Variants in LARP4B observed in about 807,000 individuals in gnomAD.
LARP4B encodes la-related protein 4B.
In LARP4B, 12 loss-of-function variants were observed where a neutral mutation model predicts 89.8. That is an observed-to-expected ratio of 0.13 (90% CI 0.09 to 0.22). The LOEUF (loss-of-function observed/expected upper bound fraction) is 0.22, where lower values mean the gene tolerates loss of function less well. Ranked by LOEUF, LARP4B falls within the 10% of genes least tolerant of loss-of-function variation. LARP4B has a pLI of 1.00. For synonymous variants in LARP4B, 367 were observed against 363.3 expected (o/e 1.01, Z -0.12); for missense variants, 757 against 947.7 (o/e 0.80, Z 2.64).
At chr10:984,309 T>C in the LARP4B span, among the ~76,000 whole-genome samples, 1 of 152,184 alleles carries the variant, frequency 6.6e-6, no homozygotes, top group Non-Finnish European at 1.5e-5. Context: ...TTAGAATCAT[T>C]TGGAAATTGA....
intron 1 of LARP4B, among the ~76,000 whole-genome samples, chr10:896,979 T>C (rs1397513639): frequency 1.3e-5 from 2 of 149,234 alleles, no homozygotes; most frequent in East Asian, 1.9e-4. Flanking sequence ...AATTCACTTT[T>C]GTGGGAGAAT....
the LARP4B span, among the ~76,000 whole-genome samples, chr10:952,222 C>T: frequency 1.8e-4 from 28 of 151,500 alleles, no homozygotes; most frequent in South Asian, 4.2e-4. Flanking sequence ...CACCTGTAGT[C>T]CCAGCTACTT....
chr10:949,142 C>T, the LARP4B span, among the ~76,000 whole-genome samples: 1 of 150,810 alleles, frequency 6.6e-6, no homozygotes, highest in Non-Finnish European at 1.5e-5. Context: ...TGATCTCCAA[C>T]CCATTTCCCA....
intron 1 of LARP4B, among the ~76,000 whole-genome samples, chr10:911,711 G>A (rs1365806779): frequency 2.0e-5 from 3 of 152,314 alleles, no homozygotes; most frequent in South Asian, 4.2e-4. Context: ...TTTTCAGTAC[G>A]GAGTCTGAAG....
chr10:898,085 G>A (rs368701322), intron 1 of LARP4B, among the ~76,000 whole-genome samples: 4 of 150,884 alleles, frequency 2.7e-5, no homozygotes, highest in South Asian at 2.1e-4. Flanking sequence ...TGAAAAGATC[G>A]TCCACATCAT....
intron 4 of LARP4B, 65 bp downstream of exon 4, chr10:864,058 A>G: frequency 6.2e-7 from 1 of 1,600,812 alleles, no homozygotes; most frequent in Non-Finnish European, 8.5e-7. Flanking sequence ...AAGACAGATT[A>G]AAATGGCAAC....
intron 1 of LARP4B, among the ~76,000 whole-genome samples, chr10:914,419 T>C (rs1041783825): frequency 2.7e-5 from 4 of 148,606 alleles, no homozygotes; most frequent in Non-Finnish European, 6.0e-5. Flanking sequence ...AATGCCAATA[T>C]AAAAAAGAAA....
the LARP4B span, among the ~76,000 whole-genome samples, chr10:975,308 C>G: frequency 6.6e-6 from 1 of 152,190 alleles, no homozygotes; most frequent in Non-Finnish European, 1.5e-5. Context: ...CGTCCTGATG[C>G]AGCAATAGTG....
intron 1 of LARP4B, among the ~76,000 whole-genome samples, chr10:892,902 ATTT>A (rs56051964): frequency 0.15 from 18,060 of 117,870 alleles, 1,459 homozygotes; most frequent in Non-Finnish European, 0.19. Context: ...ACCAAGAGAA[ATTT>A]TTTTTTTTTT....
chr10:875,164 C>G (rs1835406829), intron 3 of LARP4B, among the ~76,000 whole-genome samples: 1 of 152,180 alleles, frequency 6.6e-6, no homozygotes, highest in African/African-American at 2.4e-5. Context: ...AATGAAAGGA[C>G]ATAGTAAAGC....
the LARP4B span, among the ~76,000 whole-genome samples, chr10:973,597 T>C: frequency 3.3e-5 from 5 of 152,214 alleles, no homozygotes; most frequent in Admixed American, 6.5e-5. Context: ...GTGGTCTCCC[T>C]GCCTCGGCCT....
intron 6 of LARP4B, among the ~76,000 whole-genome samples, chr10:844,572 T>G (rs543680725): frequency 6.6e-6 from 1 of 152,278 alleles, no homozygotes; most frequent in Non-Finnish European, 1.5e-5. Flanking sequence ...AAGGTTTTAC[T>G]AAGAAAAGGG....
At chr10:975,986 GT>G in the LARP4B span, among the ~76,000 whole-genome samples, 4 of 142,838 alleles carry the variant, frequency 2.8e-5, no homozygotes, top group Admixed American at 2.1e-4. Context: ...AGGTAGGCCT[GT>G]CACGTAATGT....
chr10:890,085 T>C (rs1294314333), intron 1 of LARP4B, among the ~76,000 whole-genome samples: 9 of 152,200 alleles, frequency 5.9e-5, no homozygotes, highest in Non-Finnish European at 1.3e-4. Context: ...CCAGGTATCT[T>C]TTTAGGTACA....
chr10:863,681 TA>T (rs1259251998), intron 5 of LARP4B, 61 bp downstream of exon 5: 22 of 1,483,396 alleles, frequency 1.5e-5, no homozygotes, highest in Middle Eastern at 2.3e-4. Flanking sequence ...ATACTCTAAA[TA>T]AAAAAAATAA....
At chr10:950,096 T>C in the LARP4B span, among the ~76,000 whole-genome samples, 1 of 152,148 alleles carries the variant, frequency 6.6e-6, no homozygotes, top group African/African-American at 2.4e-5. Context: ...TTTTTAACCG[T>C]TGAGTTTTGA....
chr10:982,116 C>CTTTTT, the LARP4B span, among the ~76,000 whole-genome samples: 6 of 46,006 alleles, frequency 1.3e-4, no homozygotes, highest in Non-Finnish European at 2.2e-4. Context: ...TTCTTTCTTT[C>CTTTTT]TTTTTTTTTT....
chr10:860,602 G>C (rs1834548557), intron 5 of LARP4B, among the ~76,000 whole-genome samples: 1 of 152,162 alleles, frequency 6.6e-6, no homozygotes, highest in African/African-American at 2.4e-5. Context: ...TAGGGGAATA[G>C]AAAAACAAAC....
intron 3 of LARP4B, among the ~76,000 whole-genome samples, chr10:881,391 G>A (rs11253489): frequency 0.28 from 43,184 of 151,968 alleles, 6,860 homozygotes; most frequent in East Asian, 0.5. Flanking sequence ...TATCAGTCCT[G>A]GGAAATACTC....
Sources: gnomAD v4.1 joint callset for allele counts (sites outside exome capture counted in the v4.1 genomes callset) on GRCh38, gnomAD v4.1.1 for gene constraint, MANE v1.5 for transcripts, NCBI Gene and HGNC (gene_info 2026-07-23, HGNC 2026-07-21) for gene names.